Variants in DCPS observed in about 807,000 individuals in gnomAD.
DCPS encodes m7GpppX diphosphatase.
DCPS carries 27 observed loss-of-function variants against 34.7 expected under a neutral mutation model. The observed-to-expected ratio is 0.78, with a 90% CI of 0.57 to 1.07. The LOEUF (loss-of-function observed/expected upper bound fraction) is 1.07, where lower values mean the gene tolerates loss of function less well. Among genes scored for constraint, DCPS ranks in the 50% least tolerant of loss-of-function variants. The pLI is 0.00. For synonymous variants in DCPS, 185 were observed against 185.7 expected (o/e 1.00, Z 0.03); for missense variants, 464 against 436.9 (o/e 1.06, Z -0.55).
rs1951651326 is a variant in DCPS at position 126,315,665 on chromosome 11, T to C, written c.376+8921T>C. On this transcript the variant is annotated intron_variant, in intron 2 of 5. Coordinates refer to ENST00000263579, the MANE Select transcript of DCPS (RefSeq NM_014026.6). The surrounding 1 kb of genome is among the most constrained non-coding windows in gnomAD (Gnocchi z 6.1). ...ATGCTCAACCAGAGTGCTAAGTTTCTAGTTTTTCCTCCACCTGCCCAGTGT... is the reference window on the plus strand; with the variant it reads ...ATGCTCAACCAGAGTGCTAAGTTTCCAGTTTTTCCTCCACCTGCCCAGTGT... 6.6e-6 allele frequency among the ~76,000 whole-genome samples: 1 copy of C among 152,120 alleles called. No individual in the cohort carries two copies. The highest frequency in any genetic ancestry group is 2.4e-5 in the African/African-American group (1 of 41,382).
rs1951929897 is a variant in DCPS, at chr11:126,346,405, G to T, written c.*792G>T. Among the ~76,000 whole-genome samples the T allele has an allele frequency of 6.6e-6, 1 of 152,228 alleles. No individual in the cohort carries two copies. The highest frequency in any genetic ancestry group is 2.4e-5 in the African/African-American group (1 of 41,462). On this transcript the variant is annotated 3_prime_UTR_variant, in exon 6 of 6. Coordinates refer to ENST00000263579, the MANE Select transcript of DCPS (RefSeq NM_014026.6). The surrounding 1 kb of genome is among the most constrained non-coding windows in gnomAD (Gnocchi z 4.1). The stretch of plus-strand genomic sequence containing the variant: ...TGCAGTTGAATACAAAAGCCCGGAG[G>T]CGGCTCGGGTTCAAGGCCTATCAGA...
chr11:126,331,585 C>T lies in DCPS; in HGVS notation c.522+35C>T. On this transcript the variant is annotated intron_variant, in intron 3 of 5. Transcript: ENST00000263579. The surrounding 1 kb of genome is among the most constrained non-coding windows in gnomAD (Gnocchi z 7.2). ...TGCATGTCTCAGACGCAGAGCACTG[C>T]TCCCGTGGCTGGTGCCTCCTCTTAC... 1.2e-6 allele frequency: 2 copies of T among 1,607,980 alleles called. No homozygotes were observed. Among genetic ancestry groups the T allele is most frequent in the Non-Finnish European group, 1.7e-6 (2 of 1,176,744 alleles).
chr11:126,346,540 T>C lies in DCPS; in HGVS notation c.*927T>C, dbSNP rs1207302789. 2.0e-5 allele frequency among the ~76,000 whole-genome samples: 3 copies of C among 152,186 alleles called. No homozygotes were observed. The highest frequency in any genetic ancestry group is 2.0e-4 in the Admixed American group (3 of 15,286). On this transcript the variant is annotated 3_prime_UTR_variant, in exon 6 of 6. Coordinates refer to ENST00000263579, the MANE Select transcript of DCPS (RefSeq NM_014026.6). The surrounding 1 kb of genome is among the most constrained non-coding windows in gnomAD (Gnocchi z 4.1). ...AAGCGGCGCAGGGACATGGCTTGTA[T>C]GGGCGGGCACACAAGTAAACACACA...
intron 2 of DCPS, among the ~76,000 whole-genome samples, chr11:126,330,754 G>A (rs1458262436): frequency 2.8e-5 from 1 of 36,306 alleles, no homozygotes; most frequent in African/African-American, 8.8e-5. Flanking sequence ...TTTTTTTTTT[G>A]AGATAGAGTT....
rs1026195682 is a variant in DCPS, at chr11:126,313,293, C to G, written c.376+6549C>G. On this transcript the variant is annotated intron_variant, in intron 2 of 5. Transcript: ENST00000263579. The surrounding 1 kb of genome is among the most constrained non-coding windows in gnomAD (Gnocchi z 4.9). Reference sequence around the variant, plus strand: ...TACTGTAGCCACAGGCCAGGGTTTTCCGCCCTGTGCTATTTGCAGAGGCAA... The same window carrying G: ...TACTGTAGCCACAGGCCAGGGTTTTGCGCCCTGTGCTATTTGCAGAGGCAA... 6.6e-5 allele frequency among the ~76,000 whole-genome samples: 10 copies of G among 152,176 alleles called. No homozygotes were observed. The highest frequency in any genetic ancestry group is 8.8e-5 in the Non-Finnish European group (6 of 68,026).
chr11:126,305,413 C>CTTTTTTTTTTTTTTTTT (rs1165260410), intron 1 of DCPS, among the ~76,000 whole-genome samples: 1 of 68,296 alleles, frequency 1.5e-5, no homozygotes, highest in African/African-American at 5.9e-5. Flanking sequence ...CCGCACCCGC[C>CTTTTTTTTTTTTTTTTT]TTTTTTTTTT....
rs1055241164 is a variant in DCPS, at chr11:126,328,110, G to C, written c.377-3295G>C. On this transcript the variant is annotated intron_variant, in intron 2 of 5. Coordinates refer to ENST00000263579, the MANE Select transcript of DCPS (RefSeq NM_014026.6). This position sits in a 1 kb window ranked among gnomAD's most constrained non-coding sequence, Gnocchi z 6.6. ...CGGCCAGGGCACGGCCTGGAGAGGA[G>C]CCCATGGCTGACGCGAGTTAGTGGG... Among the ~76,000 whole-genome samples, 1 of 152,238 alleles carries C rather than the reference G, an allele frequency of 6.6e-6. No individual in the cohort carries two copies. The highest frequency in any genetic ancestry group is 2.4e-5 in the African/African-American group (1 of 41,452).
In DCPS at chr11:126,327,371, C is replaced by T. The variant is rs1422299636; in HGVS notation, c.377-4034C>T. ...CAGAATTCCACATGATCAGGAGGCA[C>T]ATGATGTCGGCGTGCCCAGCAGGGG... On this transcript the variant is annotated intron_variant, in intron 2 of 5. Coordinates refer to ENST00000263579, the MANE Select transcript of DCPS (RefSeq NM_014026.6). This position sits in a 1 kb window ranked among gnomAD's most constrained non-coding sequence, Gnocchi z 4.1. 6.6e-6 allele frequency among the ~76,000 whole-genome samples: 1 copy of T among 152,224 alleles called. No individual in the cohort carries two copies. The highest frequency in any genetic ancestry group is 1.5e-5 in the Non-Finnish European group (1 of 68,052).
rs1215297513 is a variant in DCPS at position 126,319,121 on chromosome 11, C to T, written c.377-12284C>T. On this transcript the variant is annotated intron_variant, in intron 2 of 5. Transcript: ENST00000263579. This position sits in a 1 kb window ranked among gnomAD's most constrained non-coding sequence, Gnocchi z 4.5. ...GTCCGGGGCACATCAGCCTGCTCAT[C>T]TGAGTTGCAGAGAGAAGGAACATAT... Among the ~76,000 whole-genome samples the T allele has an allele frequency of 3.3e-5, 5 of 152,276 alleles. No homozygotes were observed. The highest frequency in any genetic ancestry group is 1.9e-4 in the East Asian group (1 of 5,180).
In DCPS at chr11:126,348,675, T is replaced by C. The variant is rs1452008950; in HGVS notation, c.*3062T>C. On this transcript the variant is annotated 3_prime_UTR_variant, in exon 6 of 6. Coordinates refer to ENST00000263579, the MANE Select transcript of DCPS (RefSeq NM_014026.6). The surrounding 1 kb of genome is among the most constrained non-coding windows in gnomAD (Gnocchi z 5.3). ...AACTCAAGATGATAGCTTTGCAATA[T>C]AGTGCCTCCTTTTATTCCTATTTGT... 2.0e-5 allele frequency among the ~76,000 whole-genome samples: 3 copies of C among 152,228 alleles called. No homozygotes were observed. The highest frequency in any genetic ancestry group is 7.2e-5 in the African/African-American group (3 of 41,460).
In DCPS at chr11:126,331,624, G is replaced by T. The variant is rs886372337; in HGVS notation, c.522+74G>T. 3.8e-6 allele frequency: 6 copies of T among 1,562,436 alleles called. No homozygotes were observed. In the East Asian group the frequency reaches 1.4e-4, roughly 35 times the overall value. ...GCCTCCTCTTACGAGTGTCTATTGG[G>T]GTCATATTAGGGGCCAGGCGCTGTG... is the stretch of plus-strand genomic sequence containing the variant. On this transcript the variant is annotated intron_variant, in intron 3 of 5. Coordinates refer to ENST00000263579, the MANE Select transcript of DCPS (RefSeq NM_014026.6). This position sits in a 1 kb window ranked among gnomAD's most constrained non-coding sequence, Gnocchi z 7.2.
At chr11:126,318,264 C>T (rs1951678310) in intron 2 of DCPS, among the ~76,000 whole-genome samples, 1 of 152,224 alleles carries the variant, frequency 6.6e-6, no homozygotes, top group Non-Finnish European at 1.5e-5. Context: ...ATCCTGACCA[C>T]ACCCTTCAGC....
intron 2 of DCPS, among the ~76,000 whole-genome samples, chr11:126,314,872 G>C (rs1356802030): frequency 6.6e-6 from 1 of 151,942 alleles, no homozygotes; most frequent in Non-Finnish European, 1.5e-5. Flanking sequence ...TTATACATTA[G>C]GTACAATGTA....
chr11:126,321,037 C>T (rs1951702344), intron 2 of DCPS, among the ~76,000 whole-genome samples: 1 of 151,860 alleles, frequency 6.6e-6, no homozygotes, highest in Non-Finnish European at 1.5e-5. Context: ...GGGCAGATCC[C>T]TTGAGTCAAG....
In DCPS at chr11:126,336,433, C is replaced by G. The variant is rs569403657; in HGVS notation, c.523-1853C>G. 1.3e-5 allele frequency: 2 copies of G among 152,410 alleles called. No homozygotes were observed. The highest frequency in any genetic ancestry group is 2.9e-5 in the Non-Finnish European group (2 of 68,076). The allele number at this position is 152,410 out of a possible 1,614,324, so 9.4% of individuals were successfully genotyped here. ...GCGTGTTCTCTGAAAACCTTCACCA[C>G]CCTTATGTAGATATCATCAGCCCCA... On this transcript the variant is annotated intron_variant, in intron 3 of 5. Transcript: ENST00000263579. The surrounding 1 kb of genome is among the most constrained non-coding windows in gnomAD (Gnocchi z 6.3).
Position 126,342,454 on chromosome 11 carries a change from CAAGTT to C in DCPS, c.637-852_637-848del, listed in dbSNP as rs1951882613. 1 of 152,388 alleles carries C rather than the reference CAAGTT, an allele frequency of 6.6e-6. No homozygotes were observed. Among genetic ancestry groups the C allele is most frequent in the East Asian group, 1.9e-4 (1 of 5,188 alleles). 9.4% of individuals were successfully genotyped at this position (152,388 alleles called of 1,614,324 possible). A position where few individuals can be genotyped will look rare whatever the true frequency, so the allele number is the denominator to read the frequency against. ...TCATGGGCCTTGACTCCAAACAAAT[CAAGTT>C]GCTTCCTCTCCCCTTCCGTATACAT... On this transcript the variant is annotated intron_variant, in intron 4 of 5. Coordinates refer to ENST00000263579, the MANE Select transcript of DCPS (RefSeq NM_014026.6). The surrounding 1 kb of genome is among the most constrained non-coding windows in gnomAD (Gnocchi z 4.4).
In DCPS at chr11:126,343,741, T is replaced by G. The variant is rs113837610; in HGVS notation, c.747+324T>G. ...TCACCTGTCTCTCTCATGACAACCA[T>G]GACAACCACATCATGCCAGAGTTTC... is the stretch of plus-strand genomic sequence containing the variant. On this transcript the variant is annotated intron_variant, in intron 5 of 5. Coordinates refer to ENST00000263579, the MANE Select transcript of DCPS (RefSeq NM_014026.6). Among the ~76,000 whole-genome samples the G allele has an allele frequency of 9.3e-3, 1,419 of 152,280 alleles. 21 individuals are homozygous for G. Among genetic ancestry groups the G allele is most frequent in the African/African-American group, 0.032 (1,339 of 41,558 alleles).
chr11:126,308,337 G>A (rs369507475), intron 2 of DCPS, among the ~76,000 whole-genome samples: 17 of 152,266 alleles, frequency 1.1e-4, no homozygotes, highest in African/African-American at 3.6e-4. Context: ...GCATTTAAGA[G>A]CGGTCTGGCT....
Position 126,338,036 on chromosome 11 carries a change from C to T in DCPS, c.523-250C>T, listed in dbSNP as rs892001437. On this transcript the variant is annotated intron_variant, in intron 3 of 5. Transcript: ENST00000263579. This position sits in a 1 kb window ranked among gnomAD's most constrained non-coding sequence, Gnocchi z 5.4. ...CAGGAAGAGCCTGGCCCCTTCCAAG[C>T]TGCAGAGACCCTTGTGATGACGCAT... The T allele has an allele frequency of 7.8e-6, 4 of 514,482 alleles. No homozygotes were observed. The highest frequency in any genetic ancestry group is 5.8e-5 in the African/African-American group (3 of 52,112). The allele number at this position is 514,482 out of a possible 1,614,324, so 31.9% of individuals were successfully genotyped here. A position where few individuals can be genotyped will look rare whatever the true frequency, so the allele number is the denominator to read the frequency against.
Sources: allele counts gnomAD v4.1 joint callset (sites outside exome capture counted in the v4.1 genomes callset), GRCh38; gene constraint gnomAD v4.1.1; non-coding constraint Gnocchi (gnomAD v3.1); transcripts MANE v1.5; gene names NCBI Gene and HGNC (gene_info 2026-07-23, HGNC 2026-07-21).